Variants in KCNMA1 observed in about 807,000 individuals in gnomAD.
The protein encoded by KCNMA1 is Calcium-activated potassium channel subunit alpha-1.
Under a neutral mutation model 140.0 loss-of-function variants are expected in KCNMA1, and 29 were observed. The observed-to-expected ratio is 0.21, with a 90% confidence interval of 0.15 to 0.28. KCNMA1 has a LOEUF of 0.28. KCNMA1 is among the 10% of genes least tolerant of loss of function. The pLI, the probability that KCNMA1 is intolerant of heterozygous loss-of-function variation, is 1.00. For synonymous variants in KCNMA1, 612 were observed against 611.9 expected (o/e 1.00, Z 0.00); for missense variants, 880 against 1,602.2 (o/e 0.55, Z 7.70).
intron 23 of KCNMA1, among the ~76,000 whole-genome samples, chr10:76,923,098 C>A (rs921525469): frequency 6.6e-6 from 1 of 152,134 alleles, no homozygotes; most frequent in Non-Finnish European, 1.5e-5. Context: ...AGTGCCCCAT[C>A]CTTTTTAGAG....
intron 3 of KCNMA1, among the ~76,000 whole-genome samples, chr10:77,189,371 T>C (rs1246223700): frequency 6.6e-6 from 1 of 152,152 alleles, no homozygotes; most frequent in Non-Finnish European, 1.5e-5. Context: ...AGACATTTTC[T>C]GTTTCAGATG....
intron 1 of KCNMA1, among the ~76,000 whole-genome samples, chr10:77,407,294 A>T (rs780536185): frequency 6.6e-6 from 1 of 152,122 alleles, no homozygotes; most frequent in Non-Finnish European, 1.5e-5. Context: ...CCCTCTCTCC[A>T]CCACTGACTT....
chr10:77,184,268 G>C (rs1266234233), intron 4 of KCNMA1, among the ~76,000 whole-genome samples: 13 of 152,098 alleles, frequency 8.5e-5, no homozygotes, highest in Admixed American at 7.2e-4. Context: ...TGCCCAGGCT[G>C]GAGTGCAGTG....
In KCNMA1 at chr10:77,281,133, T is replaced by C. The variant is rs138194884; in HGVS notation, c.541-29877A>G. Reference sequence around the variant, plus strand: ...TCCATAAATCAGAAAATATCTGTGATTTTATCCTCTATCTTCCTACCACTT... The same window carrying C: ...TCCATAAATCAGAAAATATCTGTGACTTTATCCTCTATCTTCCTACCACTT... On this transcript the variant is annotated intron_variant, in intron 2 of 27. Transcript: ENST00000286628. 2.4e-4 allele frequency among the ~76,000 whole-genome samples: 37 copies of C among 152,006 alleles called. No homozygotes were observed. The East Asian group carries it at 7.2e-3, about 30-fold the overall frequency.
At chr10:77,288,300 G>A (rs949640730) in intron 2 of KCNMA1, among the ~76,000 whole-genome samples, 1 of 152,248 alleles carries the variant, frequency 6.6e-6, no homozygotes, top group African/African-American at 2.4e-5. Flanking sequence ...GCTTTGCAGT[G>A]TGAAGAGATT....
chr10:77,397,472 T>C (rs983253378), intron 2 of KCNMA1, among the ~76,000 whole-genome samples: 1 of 152,224 alleles, frequency 6.6e-6, no homozygotes, highest in Admixed American at 6.5e-5. Flanking sequence ...CATTTATCTT[T>C]GTGTTGGGAA....
intron 3 of KCNMA1, among the ~76,000 whole-genome samples, chr10:77,199,540 G>T (rs73293967): frequency 6.6e-6 from 1 of 152,176 alleles, no homozygotes; most frequent in Non-Finnish European, 1.5e-5. Context: ...GTTAGTAAAC[G>T]TGAACTGCTT....
At chr10:77,227,717 G>A (rs762728468) in intron 3 of KCNMA1, among the ~76,000 whole-genome samples, 6 of 152,116 alleles carry the variant, frequency 3.9e-5, no homozygotes, top group Non-Finnish European at 7.4e-5. Context: ...AAAGTTCTGG[G>A]ATAAAATGCT....
intron 2 of KCNMA1, among the ~76,000 whole-genome samples, chr10:77,340,606 G>A (rs532669687): frequency 6.0e-5 from 9 of 151,162 alleles, no homozygotes; most frequent in South Asian, 2.1e-4. Flanking sequence ...GCAAACTATC[G>A]CAAGGACAAA....
At chr10:77,346,210 A>G (rs559733147) in intron 2 of KCNMA1, among the ~76,000 whole-genome samples, 1 of 152,330 alleles carries the variant, frequency 6.6e-6, no homozygotes, top group East Asian at 1.9e-4. Context: ...TTTGCTGAGC[A>G]ATTTAAAACC....
intron 25 of KCNMA1, 30 bp downstream of exon 25, chr10:76,909,936 G>T (rs2049437119): frequency 6.2e-7 from 1 of 1,608,986 alleles, no homozygotes; most frequent in Non-Finnish European, 8.5e-7. Flanking sequence ...CTCCACCCTT[G>T]AGTGAGGAGG....
intron 19 of KCNMA1, among the ~76,000 whole-genome samples, chr10:77,000,054 G>C (rs1565456514): frequency 1.3e-5 from 2 of 152,152 alleles, no homozygotes; most frequent in Non-Finnish European, 2.9e-5. Flanking sequence ...AGTCAAGCCA[G>C]TTCATTTTCC....
intron 19 of KCNMA1, chr10:76,979,531 A>G (rs374599059): frequency 2.6e-4 from 40 of 152,160 alleles, no homozygotes; most frequent in African/African-American, 8.7e-4. Flanking sequence ...GATGTCAATC[A>G]CATTTCATTT....
chr10:77,190,238 T>C (rs1408483041), intron 3 of KCNMA1, among the ~76,000 whole-genome samples: 1 of 152,210 alleles, frequency 6.6e-6, no homozygotes, highest in African/African-American at 2.4e-5. Context: ...AACTGCCTCA[T>C]TATGTTCATA....
chr10:77,012,175 T>C, intron 17 of KCNMA1, 132 bp from the exon 18 acceptor site: 1 of 1,544,660 alleles, frequency 6.5e-7, no homozygotes, highest in East Asian at 2.4e-5. Flanking sequence ...TTTTGAAAGG[T>C]TTAGACATTT....
chr10:77,541,009 A>AC (rs2060052990), intron 1 of KCNMA1, among the ~76,000 whole-genome samples: 1 of 151,956 alleles, frequency 6.6e-6, no homozygotes, highest in Admixed American at 6.6e-5. Context: ...CCTCTCAAAA[A>AC]AAAAAAGAGT....
chr10:77,090,800 A>C, intron 9 of KCNMA1: 1 of 497,246 alleles, frequency 2.0e-6, no homozygotes, highest in South Asian at 2.2e-5. Context: ...ATTTAACAAT[A>C]AGTGACATTA....
At chr10:76,903,929 C>T (rs568231869) in intron 25 of KCNMA1, 1 of 152,136 alleles carries the variant, frequency 6.6e-6, no homozygotes, top group Non-Finnish European at 1.5e-5. Flanking sequence ...CCCAACTCAT[C>T]TACCCACTAA....
chr10:77,251,186 A>C lies in KCNMA1; in HGVS notation c.602+9T>G, dbSNP rs1487876134. On this transcript the variant is annotated intron_variant, in intron 3 of 27. Coordinates refer to ENST00000286628, the MANE Select transcript of KCNMA1 (RefSeq NM_001161352.2). ...AAACGAGGGCAAGAAAGTATATTTG[A>C]ATACTCACTTTGATGAATCTATGAA... The C allele has an allele frequency of 6.3e-7, 1 of 1,593,042 alleles. No individual in the cohort carries two copies. Among genetic ancestry groups the C allele is most frequent in the Non-Finnish European group, 8.6e-7 (1 of 1,160,940 alleles).
Sources: allele counts gnomAD v4.1 joint callset (sites outside exome capture counted in the v4.1 genomes callset), GRCh38; gene constraint gnomAD v4.1.1; transcripts MANE v1.5; gene names NCBI Gene and HGNC (gene_info 2026-07-23, HGNC 2026-07-21).